Variants in PCDHGA12 observed in about 807,000 individuals in gnomAD.
The protein encoded by PCDHGA12 is protocadherin gamma subfamily A, 12.
In PCDHGA12, 43 loss-of-function variants were observed where a neutral mutation model predicts 61.1. The ratio of observed to expected loss-of-function variants is 0.70; its 90% CI spans 0.55 to 0.91. The LOEUF (loss-of-function observed/expected upper bound fraction) is 0.91. PCDHGA12 is among the 40% of genes least tolerant of loss of function. The pLI is 0.00. For missense variants in PCDHGA12, 1,236 were observed against 1,227.7 expected (o/e 1.01, Z -0.10); for synonymous variants, 520 against 542.9 (o/e 0.96, Z 0.59).
At chr5:141,497,820 G>A (rs1595489288) in intron 2 of PCDHGA12, among the ~76,000 whole-genome samples, 1 of 152,226 alleles carries the variant, frequency 6.6e-6, no homozygotes, top group Admixed American at 6.5e-5. Flanking sequence ...AATTACAGGT[G>A]TGATCGCCCC....
At chr5:141,460,985 A>G (rs553462661) in intron 1 of PCDHGA12, among the ~76,000 whole-genome samples, 245 of 91,804 alleles carry the variant, frequency 2.7e-3, no homozygotes, top group Middle Eastern at 5.0e-3. Context: ...GTGTGTGTGT[A>G]TATATATATA....
At position 141,477,118 on chromosome 5, in the gene PCDHGA12, A is replaced by T. The variant is rs2099405787; in HGVS notation, c.2425-17689A>T. The T allele has an allele frequency of 6.2e-7, 1 of 1,614,228 alleles. No homozygotes were observed. Among genetic ancestry groups the T allele is most frequent in the Non-Finnish European group, 8.5e-7 (1 of 1,180,034 alleles). On this transcript the variant is annotated intron_variant, in intron 1 of 3. Coordinates refer to ENST00000252085, the MANE Select transcript of PCDHGA12 (RefSeq NM_003735.3). This position sits in a 1 kb window ranked among gnomAD's most constrained non-coding sequence, Gnocchi z 4.9. ...ACAAGGGCGCCAATCCCGAAGGAGC[A>T]CATTGCAAAGTGTTGGTGGAGGTTG...
intron 2 of PCDHGA12, among the ~76,000 whole-genome samples, chr5:141,500,812 T>C: frequency 6.6e-6 from 1 of 152,322 alleles, no homozygotes; most frequent in South Asian, 2.1e-4. Flanking sequence ...CATATGAATA[T>C]ACATATTATT....
chr5:141,499,996 C>A (rs1246090346), intron 2 of PCDHGA12, among the ~76,000 whole-genome samples: 2 of 151,572 alleles, frequency 1.3e-5, no homozygotes, highest in Non-Finnish European at 2.9e-5. Flanking sequence ...CCAGATGATT[C>A]TTTCATAAGG....
chr5:141,451,212 G>A (rs2098710632), intron 1 of PCDHGA12, among the ~76,000 whole-genome samples: 1 of 152,156 alleles, frequency 6.6e-6, no homozygotes, highest in Non-Finnish European at 1.5e-5. Context: ...AAACTTAGTG[G>A]CTTAAAAGAA....
In PCDHGA12 at chr5:141,485,433, A is replaced by G. The variant is rs2099613324; in HGVS notation, c.2425-9374A>G. On this transcript the variant is annotated intron_variant, in intron 1 of 3. Transcript: ENST00000252085. The surrounding 1 kb of genome is among the most constrained non-coding windows in gnomAD (Gnocchi z 5.7). The stretch of plus-strand genomic sequence containing the variant: ...TTGGACAGCGGAGCCCTGCTCATCA[A>G]GAACCCAATCGACCGAGAGGCACTG... 6 of 1,614,208 alleles carry G rather than the reference A, an allele frequency of 3.7e-6. No homozygotes were observed. Among genetic ancestry groups the G allele is most frequent in the Non-Finnish European group, 5.1e-6 (6 of 1,180,030 alleles).
At position 141,489,297 on chromosome 5, in the gene PCDHGA12, G is replaced by A. The variant is rs184934961; in HGVS notation, c.2425-5510G>A. 5.1e-6 allele frequency: 8 copies of A among 1,583,774 alleles called. No homozygotes were observed. Among genetic ancestry groups the A allele is most frequent in the Non-Finnish European group, 6.9e-6 (8 of 1,164,904 alleles). ...GGAAATGGCAAGTGCTGTGCATGTT[G>A]TCCTTGTGCTGCTGGGGCTGGGTGT... is the stretch of plus-strand genomic sequence containing the variant. On this transcript the variant is annotated intron_variant, in intron 1 of 3. Coordinates refer to ENST00000252085, the MANE Select transcript of PCDHGA12 (RefSeq NM_003735.3). This position sits in a 1 kb window ranked among gnomAD's most constrained non-coding sequence, Gnocchi z 4.5.
Position 141,490,778 on chromosome 5 carries a change from A to T in PCDHGA12, c.2425-4029A>T, listed in dbSNP as rs964301520. The T allele has an allele frequency of 5.6e-6, 9 of 1,614,098 alleles. No individual in the cohort carries two copies. The highest frequency in any genetic ancestry group is 7.6e-6 in the Non-Finnish European group (9 of 1,179,962). On this transcript the variant is annotated intron_variant, in intron 1 of 3. Transcript: ENST00000252085. This position sits in a 1 kb window ranked among gnomAD's most constrained non-coding sequence, Gnocchi z 5.4. ...TCCTTTGTGTATGTCAACCCAGAGG[A>T]TGGACGGATCTTTGCCCAGCGTACC... is the stretch of plus-strand genomic sequence containing the variant.
At chr5:141,453,481 TA>T (rs1178324090) in intron 1 of PCDHGA12, among the ~76,000 whole-genome samples, 1 of 151,928 alleles carries the variant, frequency 6.6e-6, no homozygotes, top group Non-Finnish European at 1.5e-5. Context: ...TCAAAACTAT[TA>T]AAAAAAGGTG....
chr5:141,500,144 C>T (rs2099796717), intron 2 of PCDHGA12, among the ~76,000 whole-genome samples: 1 of 151,426 alleles, frequency 6.6e-6, no homozygotes, highest in South Asian at 2.1e-4. Context: ...CTAAACTTTT[C>T]TTTGTGTAAT....
At chr5:141,445,269 C>A (rs535300313) in intron 1 of PCDHGA12, among the ~76,000 whole-genome samples, 1 of 152,260 alleles carries the variant, frequency 6.6e-6, no homozygotes, top group Non-Finnish European at 1.5e-5. Flanking sequence ...AAGTCGAAAC[C>A]ACTCTGCATA....
chr5:141,478,624 T>C (rs1300260980), intron 1 of PCDHGA12: 3 of 1,554,196 alleles, frequency 1.9e-6, no homozygotes, highest in Non-Finnish European at 2.6e-6. Context: ...AATGGAGCTG[T>C]TTTTTTAGTG....
At chr5:141,478,251 T>C in intron 1 of PCDHGA12, 1 of 1,614,072 alleles carries the variant, frequency 6.2e-7, no homozygotes, top group Non-Finnish European at 8.5e-7. Context: ...GTGTTCGGAG[T>C]AATCATATTC....
intron 1 of PCDHGA12, among the ~76,000 whole-genome samples, chr5:141,467,695 T>C (rs1189395935): frequency 6.6e-6 from 1 of 152,142 alleles, no homozygotes; most frequent in Non-Finnish European, 1.5e-5. Flanking sequence ...AGGGTCTGGC[T>C]CTGTTGCCCA....
chr5:141,439,354 C>G (rs746525653), intron 1 of PCDHGA12, among the ~76,000 whole-genome samples: 7 of 152,186 alleles, frequency 4.6e-5, no homozygotes, highest in Admixed American at 4.6e-4. Context: ...TACAAATACT[C>G]AAACATCAAG....
rs920444759 is a variant in PCDHGA12, at chr5:141,432,767, C to G, written c.2008C>G (p.Gln670Glu). The change falls in exon 1 of 4, where the codon CAA becomes GAA. Residue 670 changes from glutamine to glutamate, a missense_variant. Physicochemically the swap from Gln to Glu is conservative, Grantham distance 29. Transcript: ENST00000252085. The surrounding 1 kb of genome is among the most constrained non-coding windows in gnomAD (Gnocchi z 6.0). ...LTVAVADSIP[Q>E]VLADLGSLES... ...CGTGGCCGTGGCCGACAGCATCCCC[C>G]AAGTCCTGGCGGACCTCGGCAGCCT... 2 of 1,614,058 alleles carry G rather than the reference C, an allele frequency of 1.2e-6. No individual in the cohort carries two copies. Among genetic ancestry groups the G allele is most frequent in the Admixed American group, 1.7e-5 (1 of 60,012 alleles).
intron 2 of PCDHGA12, among the ~76,000 whole-genome samples, chr5:141,499,283 G>T (rs1460838051): frequency 6.6e-6 from 1 of 152,066 alleles, no homozygotes; most frequent in Non-Finnish European, 1.5e-5. Context: ...TTCTCTGATG[G>T]CTCCACACTA....
chr5:141,479,328 G>A (rs568506786), intron 1 of PCDHGA12: 1 of 152,654 alleles, frequency 6.6e-6, no homozygotes, highest in East Asian at 1.9e-4. Flanking sequence ...CAGACTCAGT[G>A]GTGTGCACCT....
intron 2 of PCDHGA12, among the ~76,000 whole-genome samples, chr5:141,505,146 A>G (rs2099844101): frequency 6.6e-6 from 1 of 152,190 alleles, no homozygotes; most frequent in Non-Finnish European, 1.5e-5. Flanking sequence ...TGGATGACAG[A>G]GTAAGACCCT....
Sources: allele counts gnomAD v4.1 joint callset (sites outside exome capture counted in the v4.1 genomes callset), GRCh38; gene constraint gnomAD v4.1.1; non-coding constraint Gnocchi (gnomAD v3.1); transcripts MANE v1.5; gene names NCBI Gene and HGNC (gene_info 2026-07-23, HGNC 2026-07-21).